The following TENM1 variants were observed in gnomAD, a reference collection of about 807,000 sequenced individuals.
The protein encoded by TENM1 is teneurin transmembrane protein 1, also known as teneurin-1.
In TENM1, 35 loss-of-function variants were observed where a neutral mutation model predicts 174.8. The observed-to-expected ratio is 0.20, with a 90% CI of 0.15 to 0.27. The LOEUF (loss-of-function observed/expected upper bound fraction) is 0.27, where lower values mean the gene tolerates loss of function less well. Among genes scored for constraint, TENM1 ranks in the 10% least tolerant of loss-of-function variants. The pLI, the probability that TENM1 is intolerant of heterozygous loss-of-function variation, is 1.00. For missense variants in TENM1, 1,633 were observed against 2,130.1 expected, an observed-to-expected ratio of 0.77 and a Z score of 4.59; for synonymous variants, 781 against 798.7, an observed-to-expected ratio of 0.98 and a Z score of 0.37.
chrX:124,837,656 G>A (rs1411928966), intron 3 of TENM1, among the ~76,000 whole-genome samples: 1 of 111,814 alleles, frequency 8.9e-6, no homozygotes, highest in African/African-American at 3.3e-5. Flanking sequence ...TGACATCTGA[G>A]TGAATGTGAC....
intron 1 of TENM1, among the ~76,000 whole-genome samples, chrX:124,931,980 A>T (rs1382911604): frequency 7.2e-5 from 8 of 111,464 alleles, no homozygotes; most frequent in Non-Finnish European, 1.5e-4. Flanking sequence ...TCACTTAAGA[A>T]CATGCCATCA....
At chrX:125,187,138 G>GTT in the TENM1 span, among the ~76,000 whole-genome samples, 1 of 112,024 alleles carries the variant, frequency 8.9e-6, no homozygotes, top group African/African-American at 3.2e-5. Flanking sequence ...GTGGGTGCCT[G>GTT]TAACCCCAGC....
In TENM1 at chrX:124,942,112, C is replaced by T. The variant is rs183847481; in HGVS notation, c.217+21425G>A. Among the ~76,000 whole-genome samples, 5 of 111,465 alleles carry T rather than the reference C, an allele frequency of 4.5e-5. No individual in the cohort carries two copies. The Admixed American group carries it at 4.8e-4, about 11-fold the overall frequency. ...GATGAGATTTGGGTGGGGACACAGC[C>T]AAACCAGTTTTTTTCAGAAATCTTT... On this transcript the variant is annotated intron_variant, in intron 1 of 31. Coordinates refer to ENST00000422452, the Ensembl canonical transcript of TENM1.
intron 3 of TENM1, among the ~76,000 whole-genome samples, chrX:124,761,092 T>C (rs2054400191): frequency 9.0e-6 from 1 of 111,639 alleles, no homozygotes; most frequent in Non-Finnish European, 1.9e-5. Flanking sequence ...TTTTCACTGT[T>C]GGTGGGAGGG....
At chrX:124,852,985 T>C (rs777287711) in intron 3 of TENM1, among the ~76,000 whole-genome samples, 7 of 111,883 alleles carry the variant, frequency 6.3e-5, no homozygotes, top group African/African-American at 2.3e-4. Context: ...AGGACTGTAA[T>C]AGCCTGGTGG....
intron 22 of TENM1, among the ~76,000 whole-genome samples, chrX:124,459,244 C>A (rs901017417): frequency 9.0e-6 from 1 of 111,712 alleles, no homozygotes; most frequent in Non-Finnish European, 1.9e-5. Flanking sequence ...TCCAGGTAAA[C>A]ACCACTGAAA....
At chrX:124,960,919 A>G (rs767278993) in intron 1 of TENM1, among the ~76,000 whole-genome samples, 27 of 112,216 alleles carry the variant, frequency 2.4e-4, no homozygotes, top group Non-Finnish European at 4.3e-4. Context: ...CTTACATGAT[A>G]TTAACTGAAA....
At chrX:124,384,117 G>T in exon 30 of TENM1, 1 of 1,211,699 alleles carries the variant, frequency 8.3e-7, no homozygotes, top group Non-Finnish European at 1.1e-6. Context: ...TGAAGGTGCT[G>T]CCCTAGGCTG....
intron 25 of TENM1, among the ~76,000 whole-genome samples, chrX:124,415,603 G>A (rs951463587): frequency 4.5e-5 from 5 of 111,521 alleles, no homozygotes; most frequent in African/African-American, 9.8e-5. Context: ...TCTGGGTTTC[G>A]GTTTCTTCAT....
the TENM1 span, among the ~76,000 whole-genome samples, chrX:125,053,627 G>T: frequency 8.9e-6 from 1 of 111,826 alleles, no homozygotes; most frequent in African/African-American, 3.3e-5. Flanking sequence ...AACCAGAGTA[G>T]CTTTTATTTT....
chrX:124,401,940 G>A (rs1302448424), intron 27 of TENM1, among the ~76,000 whole-genome samples: 2 of 111,736 alleles, frequency 1.8e-5, no homozygotes, highest in Non-Finnish European at 3.8e-5. Context: ...CTTTTTGTCA[G>A]CATTGAAATG....
At chrX:124,467,735 T>C (rs1005046107) in intron 22 of TENM1, among the ~76,000 whole-genome samples, 1 of 111,868 alleles carries the variant, frequency 8.9e-6, no homozygotes, top group African/African-American at 3.2e-5. Flanking sequence ...ATTTGTAAGT[T>C]GATTTCTAAA....
At chrX:124,649,467 G>T (rs2051242469) in intron 8 of TENM1, among the ~76,000 whole-genome samples, 1 of 112,427 alleles carries the variant, frequency 8.9e-6, no homozygotes, top group Non-Finnish European at 1.9e-5. Flanking sequence ...CCTCCATTCA[G>T]TTATTTGTAA....
chrX:124,829,774 C>A (rs1001188800), intron 3 of TENM1, among the ~76,000 whole-genome samples: 1 of 112,269 alleles, frequency 8.9e-6, no homozygotes, highest in Non-Finnish European at 1.9e-5. Flanking sequence ...TCACTCTAAA[C>A]TTAAAAGTTA....
the TENM1 span, among the ~76,000 whole-genome samples, chrX:125,117,665 C>A: frequency 2.7e-5 from 3 of 110,180 alleles, no homozygotes; most frequent in African/African-American, 9.9e-5. Context: ...CAAACCTGCA[C>A]GTTCTGTACA....
the TENM1 span, among the ~76,000 whole-genome samples, chrX:125,056,281 G>A: frequency 9.0e-6 from 1 of 111,221 alleles, no homozygotes; most frequent in Non-Finnish European, 1.9e-5. Flanking sequence ...ATTTCACTAA[G>A]TGACAGCTTT....
the TENM1 span, among the ~76,000 whole-genome samples, chrX:125,101,817 G>C: frequency 1.8e-5 from 2 of 111,836 alleles, no homozygotes; most frequent in South Asian, 3.7e-4. Context: ...TATGAACTCT[G>C]TTCTTTCAGT....
chrX:125,139,770 T>C, the TENM1 span, among the ~76,000 whole-genome samples: 1 of 106,654 alleles, frequency 9.4e-6, no homozygotes, highest in Non-Finnish European at 1.9e-5. Context: ...TATCACTTCT[T>C]TAGCCTATAA....
Position 124,918,012 on chromosome X carries a change from G to A in TENM1, c.218-21771C>T, listed in dbSNP as rs922478423. On this transcript the variant is annotated intron_variant, in intron 1 of 31. Coordinates refer to ENST00000422452, the Ensembl canonical transcript of TENM1. The stretch of plus-strand genomic sequence containing the variant: ...CTCAATTTGAAGCTCTGTTTTTGAT[G>A]CTGGTTTCTTAGCTCAGGTTAAACA... Among the ~76,000 whole-genome samples, 5 of 111,666 alleles carry A rather than the reference G, an allele frequency of 4.5e-5. 1 individual carries two copies. In the Admixed American group the frequency reaches 4.8e-4, roughly 11 times the overall value.
Sources: gnomAD v4.1 joint callset for allele counts (sites outside exome capture counted in the v4.1 genomes callset) on GRCh38, gnomAD v4.1.1 for gene constraint, MANE v1.5 for transcripts, NCBI Gene and HGNC (gene_info 2026-07-23, HGNC 2026-07-21) for gene names.